SMAD1: variants seen among roughly 807,000 people sequenced by gnomAD.
The protein encoded by SMAD1 is SMAD family member 1, also known as MAD, mothers against decapentaplegic homolog 1.
A neutral mutation model predicts 41.6 loss-of-function variants in SMAD1; 6 were observed. The ratio of observed to expected loss-of-function variants is 0.14; its 90% confidence interval spans 0.08 to 0.28. SMAD1 has a LOEUF of 0.28. Ranked by LOEUF, SMAD1 falls within the 10% of genes least tolerant of loss-of-function variation. The pLI is 1.00. For missense variants in SMAD1, 379 were observed against 582.6 expected (o/e 0.65, Z 3.60); for synonymous variants, 206 against 203.2 (o/e 1.01, Z -0.12).
intron 4 of SMAD1, 23 bp from the exon 5 acceptor site, chr4:145,546,680 A>C: frequency 6.4e-7 from 1 of 1,569,094 alleles, no homozygotes; most frequent in Non-Finnish European, 8.8e-7. Flanking sequence ...ACCTTGGTTG[A>C]TATAACATTT....
chr4:145,480,856 T>C (rs1728142419), upstream of SMAD1, among the ~76,000 whole-genome samples: 1 of 150,164 alleles, frequency 6.7e-6, no homozygotes, highest in Admixed American at 6.6e-5. Flanking sequence ...AGTGCTCAAA[T>C]AGGTTAAGGG....
chr4:145,494,097 G>A (rs567123571), intron 1 of SMAD1, among the ~76,000 whole-genome samples: 41 of 152,102 alleles, frequency 2.7e-4, no homozygotes, highest in Non-Finnish European at 5.1e-4. Context: ...GAGTAGCTGG[G>A]ATTGCAGGTG....
At chr4:145,491,147 C>CTTT (rs1728747518) in intron 1 of SMAD1, among the ~76,000 whole-genome samples, 1 of 152,090 alleles carries the variant, frequency 6.6e-6, no homozygotes, top group African/African-American at 2.4e-5. Context: ...AAAACAAAAC[C>CTTT]TGAAAGACAG....
Position 145,558,827 on chromosome 4 carries a change from T to C in SMAD1, c.*893T>C, listed in dbSNP as rs1732984956. Reference sequence around the variant, plus strand: ...GTGAGAGCAAATGAATAATTCCTGCTATTCTGAAATTGCCTACATGTTTCA... The same window carrying C: ...GTGAGAGCAAATGAATAATTCCTGCCATTCTGAAATTGCCTACATGTTTCA... On this transcript the variant is annotated 3_prime_UTR_variant, in exon 7 of 7. Transcript: ENST00000302085. Among the ~76,000 whole-genome samples, 1 of 152,216 alleles carries C rather than the reference T, an allele frequency of 6.6e-6. No homozygotes were observed. Among genetic ancestry groups the C allele is most frequent in the Non-Finnish European group, 1.5e-5 (1 of 68,038 alleles).
intron 1 of SMAD1, among the ~76,000 whole-genome samples, chr4:145,488,313 C>G (rs7695203): frequency 0.025 from 3,748 of 152,124 alleles, 164 homozygotes; most frequent in African/African-American, 0.086. Flanking sequence ...AGAGGGGTCT[C>G]TCTGTTGATT....
Position 145,542,653 on chromosome 4 carries a change from A to G in SMAD1, c.730A>G (p.Thr244Ala), listed in dbSNP as rs1434999063. The G allele has an allele frequency of 6.2e-7, 1 of 1,613,352 alleles. No individual in the cohort carries two copies. Among genetic ancestry groups the G allele is most frequent in the African/African-American group, 1.3e-5 (1 of 74,922 alleles). Residue 244 changes from threonine (T) to alanine (A), a missense_variant, in exon 4 of 7, where the codon ACA becomes GCA. This residue lies in a region of SMAD1 where 208 missense variants were observed against 210.5 expected (regional missense o/e 0.99). Coordinates refer to ENST00000302085, the MANE Select transcript of SMAD1 (RefSeq NM_005900.3). ...CCAGGATGGCTCTCAGCCGATGGAC[A>G]CAAACATGATGGCGCCTCCCCTGCC... ...MTQDGSQPMD[T>A]NMMAPPLPSE...
At chr4:145,547,291 CAGTAAAT>C (rs56986943) in intron 5 of SMAD1, among the ~76,000 whole-genome samples, 22,905 of 151,920 alleles carry the variant, frequency 0.15, 3,594 homozygotes, top group African/African-American at 0.39. Flanking sequence ...TACCATAACT[CAGTAAAT>C]AGAAAAGAAA....
intron 1 of SMAD1, among the ~76,000 whole-genome samples, chr4:145,498,599 A>T (rs907109879): frequency 1.3e-5 from 2 of 152,184 alleles, no homozygotes; most frequent in Non-Finnish European, 2.9e-5. Context: ...GCTCACTCCT[A>T]AAGGTAACTA....
intron 3 of SMAD1, among the ~76,000 whole-genome samples, chr4:145,542,011 G>T (rs1474469981): frequency 6.6e-6 from 1 of 152,194 alleles, no homozygotes; most frequent in Non-Finnish European, 1.5e-5. Context: ...CTGTTATTCT[G>T]TTACTAGAGA....
At position 145,509,518 on chromosome 4, in the gene SMAD1, C is replaced by T. The variant is rs145449180; in HGVS notation, c.-176-4920C>T. ...GTATTTGTTATATATTTTAAAATAGCCCCAAGTTATTTTGATGCAAACTTA... is the reference window on the plus strand; with the variant it reads ...GTATTTGTTATATATTTTAAAATAGTCCCAAGTTATTTTGATGCAAACTTA... On this transcript the variant is annotated intron_variant, in intron 1 of 6. Coordinates refer to ENST00000302085, the MANE Select transcript of SMAD1 (RefSeq NM_005900.3). Among the ~76,000 whole-genome samples the T allele has an allele frequency of 8.4e-3, 1,277 of 152,074 alleles. 26 individuals are homozygous for T. The highest frequency in any genetic ancestry group is 0.029 in the African/African-American group (1,186 of 41,468).
Position 145,539,842 on chromosome 4 carries a change from A to G in SMAD1, c.439A>G (p.Asn147Asp), listed in dbSNP as rs118128857. The stretch of plus-strand genomic sequence containing the variant: ...GCTGGTTCCAAGACACAGCGAATAT[A>G]ATCCTCAGCACAGCCTCTTAGCTCA... ...PVLVPRHSEY[N>D]PQHSLLAQFR... Residue 147 changes from asparagine (N) to aspartate (D), a missense_variant, in exon 3 of 7, where the codon AAT becomes GAT. Physicochemically the swap from Asn to Asp is conservative, Grantham distance 23. This residue lies in a region of SMAD1 where 208 missense variants were observed against 210.5 expected (regional missense o/e 0.99). Transcript: ENST00000302085. 9 of 1,614,056 alleles carry G rather than the reference A, an allele frequency of 5.6e-6. No individual in the cohort carries two copies. The highest frequency in any genetic ancestry group is 1.3e-5 in the African/African-American group (1 of 74,996).
At chr4:145,547,220 G>T (rs1340654923) in intron 5 of SMAD1, among the ~76,000 whole-genome samples, 2 of 152,136 alleles carry the variant, frequency 1.3e-5, no homozygotes, top group Admixed American at 6.5e-5. Flanking sequence ...GTTATAAAAT[G>T]AATCACAACC....
intron 5 of SMAD1, among the ~76,000 whole-genome samples, chr4:145,549,391 A>G (rs1732433104): frequency 6.6e-6 from 1 of 152,228 alleles, no homozygotes; most frequent in South Asian, 2.1e-4. Flanking sequence ...AAATTAGTGT[A>G]TAAAGATACC....
At chr4:145,532,274 C>T (rs73852336) in intron 2 of SMAD1, among the ~76,000 whole-genome samples, 5,605 of 152,216 alleles carry the variant, frequency 0.037, 318 homozygotes, top group African/African-American at 0.11. Flanking sequence ...GCAGAGTTAA[C>T]GTCACTGAGA....
intron 2 of SMAD1, among the ~76,000 whole-genome samples, chr4:145,528,080 CACACACACACACAT>C (rs974801668): frequency 2.6e-5 from 4 of 151,036 alleles, no homozygotes; most frequent in East Asian, 1.9e-4. Flanking sequence ...CACACACACA[CACACACACACACAT>C]ACACACACAT....
Position 145,542,622 on chromosome 4 carries a change from C to T in SMAD1, c.699C>T (p.Pro233=), listed in dbSNP as rs986261874. 5.6e-6 allele frequency: 9 copies of T among 1,613,148 alleles called. No individual in the cohort carries two copies. The highest frequency in any genetic ancestry group is 7.6e-6 in the Non-Finnish European group (9 of 1,179,720). ...PPPAYLPPED[P]MTQDGSQPMD... ...CTGCTTACCTGCCTCCTGAAGACCC[C>T]ATGACCCAGGATGGCTCTCAGCCGA... is the stretch of plus-strand genomic sequence containing the variant. Residue 233 remains proline, a synonymous_variant, in exon 4 of 7, where the codon CCC becomes CCT. Transcript: ENST00000302085.
At chr4:145,497,284 C>T (rs1012781825) in intron 1 of SMAD1, 2 of 152,144 alleles carry the variant, frequency 1.3e-5, no homozygotes, top group Admixed American at 6.5e-5. Context: ...TAAGTAACAC[C>T]GAGCTCAGGA....
chr4:145,490,719 C>T (rs936213199), intron 1 of SMAD1, among the ~76,000 whole-genome samples: 3 of 152,244 alleles, frequency 2.0e-5, no homozygotes, highest in East Asian at 3.9e-4. Flanking sequence ...AGTGAAATAT[C>T]AAGTTTGGGA....
chr4:145,500,386 CCTCA>C (rs1223267709), intron 1 of SMAD1, among the ~76,000 whole-genome samples: 1 of 152,118 alleles, frequency 6.6e-6, no homozygotes, highest in East Asian at 1.9e-4. Context: ...ATTTCTCTCC[CCTCA>C]CTCCATTCCA....
Sources: allele counts gnomAD v4.1 joint callset (sites outside exome capture counted in the v4.1 genomes callset), GRCh38; gene constraint gnomAD v4.1.1; regional missense constraint gnomAD v4.1.1; transcripts MANE v1.5; gene names NCBI Gene and HGNC (gene_info 2026-07-23, HGNC 2026-07-21).